ZNF678: variants seen among roughly 807,000 people sequenced by gnomAD.
The protein encoded by ZNF678 is zinc finger protein 678.
In ZNF678, 5 loss-of-function variants were observed where a neutral mutation model predicts 3.0. That is an observed-to-expected ratio of 1.69 (90% CI 0.88 to 3.56). ZNF678 has a LOEUF of 3.56. Among genes scored for constraint, ZNF678 ranks in the 30% most tolerant of loss-of-function variants. The probability of loss-of-function intolerance (pLI) is 0.00; values close to 1 mark genes in which losing one functional copy is unlikely to be tolerated. For missense variants in ZNF678, 593 were observed against 605.0 expected, an observed-to-expected ratio of 0.98 and a Z score of 0.21; for synonymous variants, 218 against 199.6, an observed-to-expected ratio of 1.09 and a Z score of -0.78.
chr1:227,678,346 C>A (rs185437214), downstream of ZNF678, among the ~76,000 whole-genome samples: 1 of 152,118 alleles, frequency 6.6e-6, no homozygotes, highest in Non-Finnish European at 1.5e-5. Context: ...AGGATGCATG[C>A]GGAAGTAAGA....
chr1:227,679,358 G>A (rs1659730724), downstream of ZNF678, among the ~76,000 whole-genome samples: 1 of 152,140 alleles, frequency 6.6e-6, no homozygotes, highest in Admixed American at 6.5e-5. Context: ...AGACAGCCCA[G>A]CGCTGTGCCC....
At chr1:227,626,849 C>A (rs1658431098) in intron 1 of ZNF678, among the ~76,000 whole-genome samples, 1 of 151,898 alleles carries the variant, frequency 6.6e-6, no homozygotes, top group Non-Finnish European at 1.5e-5. Context: ...GAAAGTGGGG[C>A]CGTTATCACT....
Position 227,654,512 on chromosome 1 carries a change from C to A in ZNF678, c.262C>A (p.Gln88Lys). 1 of 1,613,178 alleles carries A rather than the reference C, an allele frequency of 6.2e-7. No homozygotes were observed. Among genetic ancestry groups the A allele is most frequent in the Non-Finnish European group, 8.5e-7 (1 of 1,179,492 alleles). The change falls in exon 4 of 4, where the codon CAA becomes AAA. Residue 88 changes from glutamine to lysine, a missense_variant. By Grantham distance (53) the Gln-to-Lys change is moderately conservative. Transcript: ENST00000343776. ...GQKEYCNRLT[Q>K]CSSTKSKIFQ... ...GAAAGAATATTGCAATAGACTTACT[C>A]AATGTTCATCAACTAAAAGCAAAAT...
intron 1 of ZNF678, chr1:227,582,487 ATTTT>A (rs59111806): frequency 1.2e-4 from 13 of 111,786 alleles, no homozygotes; most frequent in South Asian, 1.1e-3. Context: ...TGCCCAGCTA[ATTTT>A]TTTTTTTTTT....
chr1:227,571,932 C>T (rs373880879), intron 1 of ZNF678, among the ~76,000 whole-genome samples: 7 of 152,328 alleles, frequency 4.6e-5, no homozygotes, highest in East Asian at 1.9e-4. Context: ...GTCCCAGCTA[C>T]TCAGGAGGCT....
At chr1:227,579,017 A>G (rs1318659643) in intron 1 of ZNF678, among the ~76,000 whole-genome samples, 1 of 152,228 alleles carries the variant, frequency 6.6e-6, no homozygotes, top group Non-Finnish European at 1.5e-5. Flanking sequence ...TTAGGGGGCC[A>G]GCACTCAGTT....
Position 227,590,635 on chromosome 1 carries a change from C to A in ZNF678, c.-164+26911C>A, listed in dbSNP as rs904944095. Among the ~76,000 whole-genome samples, 4 of 151,840 alleles carry A rather than the reference C, an allele frequency of 2.6e-5. No homozygotes were observed. In the South Asian group the frequency reaches 8.3e-4, roughly 32 times the overall value. On this transcript the variant is annotated intron_variant, in intron 1 of 3. Transcript: ENST00000343776. ...GCATAGACAGGGAAGCCCAGGAGTTCGCCTGTTTTTATGGGCAGTAGGAAG... is the reference window on the plus strand; with the variant it reads ...GCATAGACAGGGAAGCCCAGGAGTTAGCCTGTTTTTATGGGCAGTAGGAAG...
At chr1:227,618,339 G>A (rs577580480) in intron 1 of ZNF678, among the ~76,000 whole-genome samples, 2 of 152,224 alleles carry the variant, frequency 1.3e-5, no homozygotes, top group African/African-American at 2.4e-5. Flanking sequence ...GGAGATGAGA[G>A]GAGCCCTCTG....
chr1:227,600,592 T>A (rs941609929), intron 1 of ZNF678, among the ~76,000 whole-genome samples: 6 of 152,266 alleles, frequency 3.9e-5, no homozygotes, highest in Non-Finnish European at 8.8e-5. Context: ...TATCTTTTTT[T>A]TGAAAAGTGT....
chr1:227,644,738 A>C (rs1286479069), intron 1 of ZNF678, among the ~76,000 whole-genome samples: 1 of 152,230 alleles, frequency 6.6e-6, no homozygotes, highest in Non-Finnish European at 1.5e-5. Context: ...AGCAATGCTT[A>C]GCTAAGTGGC....
At chr1:227,678,186 C>A (rs138496660), downstream of ZNF678, among the ~76,000 whole-genome samples, 4 of 152,132 alleles carry the variant, frequency 2.6e-5, no homozygotes, top group African/African-American at 9.7e-5. Flanking sequence ...GGGATATAAA[C>A]GCCTGGGTCG....
intron 1 of ZNF678, among the ~76,000 whole-genome samples, chr1:227,615,866 C>G (rs972495117): frequency 2.6e-4 from 40 of 152,216 alleles, no homozygotes; most frequent in African/African-American, 9.7e-4. Flanking sequence ...CATCTGTTGA[C>G]TGTTCTTTTC....
chr1:227,604,276 G>A (rs1425546854), intron 1 of ZNF678, among the ~76,000 whole-genome samples: 1 of 152,184 alleles, frequency 6.6e-6, no homozygotes, highest in Non-Finnish European at 1.5e-5. Context: ...AAGCGGCTGT[G>A]CTGTTTTACA....
chr1:227,601,588 G>A lies in ZNF678; in HGVS notation c.-164+37864G>A, dbSNP rs191504149. Among the ~76,000 whole-genome samples, 23 of 150,532 alleles carry A rather than the reference G, an allele frequency of 1.5e-4. No individual in the cohort carries two copies. The East Asian group carries it at 3.7e-3, about 24-fold the overall frequency. On this transcript the variant is annotated intron_variant, in intron 1 of 3. Transcript: ENST00000343776. ...ATTTTTATTTTATTTTTTTTGAGACGGAGTCTCACTCTGCTGGCCAGGCTG... is the reference window on the plus strand; with the variant it reads ...ATTTTTATTTTATTTTTTTTGAGACAGAGTCTCACTCTGCTGGCCAGGCTG...
chr1:227,598,006 A>G (rs1379643825), intron 1 of ZNF678, among the ~76,000 whole-genome samples: 6 of 152,234 alleles, frequency 3.9e-5, no homozygotes, highest in Non-Finnish European at 7.3e-5. Context: ...ATGCTTCTCT[A>G]CAGAGTAAGG....
At position 227,660,152 on chromosome 1, in the gene ZNF678, C is replaced by G. The variant is rs1250982156; in HGVS notation, c.*4324C>G. Reference sequence around the variant, plus strand: ...TGGTCTATTTATCTGTTTTTAATGCCAGTATTGGACTGTTTCAGTTACTGT... The same window carrying G: ...TGGTCTATTTATCTGTTTTTAATGCGAGTATTGGACTGTTTCAGTTACTGT... On this transcript the variant is annotated 3_prime_UTR_variant, in exon 4 of 4. Transcript: ENST00000343776. 6.6e-6 allele frequency: 1 copy of G among 151,972 alleles called. No individual in the cohort carries two copies. Among genetic ancestry groups the G allele is most frequent in the Non-Finnish European group, 1.5e-5 (1 of 67,992 alleles). 9.4% of individuals were successfully genotyped at this position (151,972 alleles called of 1,614,324 possible). A position where few individuals can be genotyped will look rare whatever the true frequency, so the allele number is the denominator to read the frequency against.
At chr1:227,639,615 C>G (rs924575027) in intron 1 of ZNF678, among the ~76,000 whole-genome samples, 1 of 149,842 alleles carries the variant, frequency 6.7e-6, no homozygotes, top group Non-Finnish European at 1.5e-5. Context: ...AAAATGGGCA[C>G]TCTTTTTGAG....
At chr1:227,596,573 T>C (rs1440854394) in intron 1 of ZNF678, among the ~76,000 whole-genome samples, 1 of 152,232 alleles carries the variant, frequency 6.6e-6, no homozygotes, top group Non-Finnish European at 1.5e-5. Flanking sequence ...GGATTTCATT[T>C]CTGCCTTTTA....
At chr1:227,618,991 A>G (rs2102767966) in intron 1 of ZNF678, among the ~76,000 whole-genome samples, 1 of 152,322 alleles carries the variant, frequency 6.6e-6, no homozygotes, top group East Asian at 1.9e-4. Context: ...ACCTGGTGGC[A>G]GGAGACAGAG....
Sources: allele counts gnomAD v4.1 joint callset (sites outside exome capture counted in the v4.1 genomes callset), GRCh38; gene constraint gnomAD v4.1.1; transcripts MANE v1.5; gene names NCBI Gene and HGNC (gene_info 2026-07-23, HGNC 2026-07-21).